JMJD1C: variants seen among roughly 807,000 people sequenced by gnomAD.
JMJD1C encodes the protein jumonji domain containing 1C, also known as jumonji domain-containing protein 1C.
In JMJD1C, 31 loss-of-function variants were observed where a neutral mutation model predicts 245.3. That is an observed-to-expected ratio of 0.13 (90% confidence interval 0.09 to 0.17). JMJD1C has a LOEUF of 0.17. Among genes scored for constraint, JMJD1C ranks in the 10% least tolerant of loss-of-function variants. The pLI, the probability that JMJD1C is intolerant of heterozygous loss-of-function variation, is 1.00. For missense variants in JMJD1C, 2,691 were observed against 3,000.2 expected, an observed-to-expected ratio of 0.90 and a Z score of 2.41; for synonymous variants, 1,057 against 1,017.4, an observed-to-expected ratio of 1.04 and a Z score of -0.74.
chr10:63,201,782 T>C (rs896595028), intron 10 of JMJD1C, among the ~76,000 whole-genome samples: 1 of 151,666 alleles, frequency 6.6e-6, no homozygotes, highest in Admixed American at 6.6e-5. Context: ...TACAAAAAAT[T>C]AGCCTGGCAT....
chr10:63,254,630 T>C (rs993239787), intron 3 of JMJD1C, among the ~76,000 whole-genome samples: 1 of 152,080 alleles, frequency 6.6e-6, no homozygotes, highest in Non-Finnish European at 1.5e-5. Flanking sequence ...AGCCTTGACC[T>C]CCTGGGCTCA....
rs1026280263 is a variant in JMJD1C at position 63,450,386 on chromosome 10, T to G, written c.168+15109A>C. Among the ~76,000 whole-genome samples, 3 of 151,982 alleles carry G rather than the reference T, an allele frequency of 2.0e-5. No homozygotes were observed. The East Asian group carries it at 5.8e-4, about 29-fold the overall frequency. ...TACCATAGCAGCATTATTACCATTA[T>G]TACCATGACTCTGCCTGTGAACAGC... is the stretch of plus-strand genomic sequence containing the variant. On this transcript the variant is annotated intron_variant, in intron 1 of 25. Coordinates refer to ENST00000399262, the MANE Select transcript of JMJD1C (RefSeq NM_032776.3).
At chr10:63,470,302 T>C (rs1322134760), upstream of JMJD1C, among the ~76,000 whole-genome samples, 1 of 151,990 alleles carries the variant, frequency 6.6e-6, no homozygotes, top group African/African-American at 2.4e-5. Flanking sequence ...TAGCAAAATG[T>C]ACCTTTTTCT....
intron 1 of JMJD1C, among the ~76,000 whole-genome samples, chr10:63,509,763 AT>A (rs1429801130): frequency 6.6e-6 from 1 of 152,074 alleles, no homozygotes; most frequent in African/African-American, 2.4e-5. Flanking sequence ...CTGCTCTTTC[AT>A]TTTTGATATT....
chr10:63,223,692 TTTATAAG>T (rs1216451104), intron 3 of JMJD1C, among the ~76,000 whole-genome samples: 1 of 152,166 alleles, frequency 6.6e-6, no homozygotes, highest in African/African-American at 2.4e-5. Flanking sequence ...ATGTTTAAAT[TTTATAAG>T]TTATAACTAC....
At chr10:63,435,529 T>C (rs558289292) in intron 1 of JMJD1C, among the ~76,000 whole-genome samples, 1 of 152,260 alleles carries the variant, frequency 6.6e-6, no homozygotes, top group East Asian at 1.9e-4. Flanking sequence ...TTAATATGTA[T>C]TTCTGAGTTT....
At chr10:63,363,822 G>A (rs1245520238) in intron 2 of JMJD1C, among the ~76,000 whole-genome samples, 1 of 150,540 alleles carries the variant, frequency 6.6e-6, no homozygotes, top group Non-Finnish European at 1.5e-5. Context: ...GGGTAGCTGG[G>A]ACTATAGGTA....
intron 2 of JMJD1C, among the ~76,000 whole-genome samples, chr10:63,281,010 T>C (rs976820750): frequency 6.6e-6 from 1 of 150,510 alleles, no homozygotes; most frequent in African/African-American, 2.4e-5. Flanking sequence ...CAGGATGGAG[T>C]GCAGTGGTGC....
chr10:63,310,896 C>T (rs767340296), intron 2 of JMJD1C, among the ~76,000 whole-genome samples: 15 of 151,694 alleles, frequency 9.9e-5, no homozygotes, highest in East Asian at 3.9e-4. Context: ...CAAATAAACC[C>T]GACATTAAGA....
chr10:63,449,872 T>C (rs980842393), intron 1 of JMJD1C, among the ~76,000 whole-genome samples: 1 of 152,054 alleles, frequency 6.6e-6, no homozygotes, highest in African/African-American at 2.4e-5. Context: ...TCCCAGCATT[T>C]TGGGAGGCCG....
intron 2 of JMJD1C, among the ~76,000 whole-genome samples, chr10:63,322,680 G>A (rs1941021545): frequency 6.6e-6 from 1 of 151,466 alleles, no homozygotes; most frequent in African/African-American, 2.4e-5. Context: ...GCGCGCTCCT[G>A]TAGTCCCAGC....
chr10:63,311,909 T>A (rs1939256745), intron 2 of JMJD1C, among the ~76,000 whole-genome samples: 2 of 152,102 alleles, frequency 1.3e-5, no homozygotes, highest in Admixed American at 6.6e-5. Flanking sequence ...ATGTATTAGG[T>A]TATTCTTAAT....
chr10:63,506,350 A>T (rs184528488), intron 1 of JMJD1C, among the ~76,000 whole-genome samples: 87 of 152,348 alleles, frequency 5.7e-4, no homozygotes, highest in African/African-American at 2.0e-3. Flanking sequence ...ACTTGTAAAA[A>T]ATATTAATGT....
chr10:63,254,444 C>A (rs771053100), intron 3 of JMJD1C, among the ~76,000 whole-genome samples: 1 of 152,060 alleles, frequency 6.6e-6, no homozygotes, highest in Non-Finnish European at 1.5e-5. Context: ...AAGTGCCACA[C>A]AAAAGAGAAT....
At chr10:63,317,152 T>C (rs564484468) in intron 2 of JMJD1C, among the ~76,000 whole-genome samples, 2 of 150,664 alleles carry the variant, frequency 1.3e-5, no homozygotes, top group Admixed American at 6.6e-5. Flanking sequence ...TGAGACACCA[T>C]GCCCAGTCAG....
intron 2 of JMJD1C, among the ~76,000 whole-genome samples, chr10:63,331,108 T>A (rs1005648308): frequency 2.0e-5 from 3 of 152,220 alleles, no homozygotes; most frequent in Non-Finnish European, 4.4e-5. Flanking sequence ...AAATTTCCAA[T>A]GCTAGTATCT....
chr10:63,518,382 C>A (rs570194183), intron 1 of JMJD1C, among the ~76,000 whole-genome samples: 3 of 152,134 alleles, frequency 2.0e-5, no homozygotes, highest in African/African-American at 4.8e-5. Context: ...ATCCATATAC[C>A]CTAAATAAGA....
At chr10:63,403,661 A>T (rs1350827195) in intron 1 of JMJD1C, among the ~76,000 whole-genome samples, 1 of 152,220 alleles carries the variant, frequency 6.6e-6, no homozygotes, top group Admixed American at 6.5e-5. Flanking sequence ...TGTACAGGCC[A>T]GGCGCAGTGG....
At chr10:63,284,249 C>G (rs1163334142) in intron 2 of JMJD1C, among the ~76,000 whole-genome samples, 1 of 152,144 alleles carries the variant, frequency 6.6e-6, no homozygotes, top group Non-Finnish European at 1.5e-5. Context: ...TGGTCTAGAA[C>G]TCCTGACCTC....
Sources: gnomAD v4.1 joint callset for allele counts (sites outside exome capture counted in the v4.1 genomes callset) on GRCh38, gnomAD v4.1.1 for gene constraint, MANE v1.5 for transcripts, NCBI Gene and HGNC (gene_info 2026-07-23, HGNC 2026-07-21) for gene names.